Variants in LYST observed in about 807,000 individuals in gnomAD.
LYST encodes the protein lysosomal-trafficking regulator.
Under a neutral mutation model 413.6 loss-of-function variants are expected in LYST, and 192 were observed. The ratio of observed to expected loss-of-function variants is 0.46; its 90% confidence interval spans 0.41 to 0.52. LYST has a LOEUF of 0.52. Ranked by LOEUF, LYST falls within the 20% of genes least tolerant of loss-of-function variation. LYST has a pLI of 0.00. For synonymous variants in LYST, 1,525 were observed against 1,567.3 expected, an observed-to-expected ratio of 0.97 and a Z score of 0.64; for missense variants, 3,815 against 4,499.9, an observed-to-expected ratio of 0.85 and a Z score of 4.35.
chr1:235,706,039 C>A lies in LYST; in HGVS notation c.10143+3052G>T, dbSNP rs139110568. Among the ~76,000 whole-genome samples the A allele has an allele frequency of 3.1e-3, 468 of 152,196 alleles. 3 individuals carry two copies. Among genetic ancestry groups the A allele is most frequent in the African/African-American group, 0.011 (451 of 41,522 alleles). On this transcript the variant is annotated intron_variant, in intron 44 of 52. Coordinates refer to ENST00000389793, the MANE Select transcript of LYST (RefSeq NM_000081.4). ...AACTCCTGACCTCAAATGATCCACACGCCTCGGCCTCCCAAAGTGCTGGGA... is the reference window on the plus strand; with the variant it reads ...AACTCCTGACCTCAAATGATCCACAAGCCTCGGCCTCCCAAAGTGCTGGGA...
chr1:235,663,503 CATT>C (rs1172767576), intron 52 of LYST, among the ~76,000 whole-genome samples: 11 of 152,050 alleles, frequency 7.2e-5, no homozygotes, highest in African/African-American at 2.4e-4. Flanking sequence ...AAAAATGTAA[CATT>C]AGTAATTAAT....
At chr1:235,823,555 T>C (rs74148832) in intron 3 of LYST, among the ~76,000 whole-genome samples, 9,211 of 152,330 alleles carry the variant, frequency 0.06, 942 homozygotes, top group African/African-American at 0.21. Flanking sequence ...CTTCTTAACA[T>C]GGTATACAAG....
intron 25 of LYST, 45 bp downstream of exon 25, chr1:235,755,433 A>AAAAGAAAAGAAAAGAAAAGAAAAG (rs749761952): frequency 8.6e-7 from 1 of 1,163,248 alleles, no homozygotes; most frequent in African/African-American, 1.7e-5. Context: ...GAAAAGAAAA[A>AAAAGAAAAGAAAAGAAAAGAAAAG]AGACAAAAGA....
At position 235,806,297 on chromosome 1, in the gene LYST, CGA is replaced by C; in HGVS notation, c.2837_2838del (p.Leu946ArgfsTer9). On this transcript the variant is annotated frameshift_variant, in exon 6 of 53. Transcript: ENST00000389793. LOFTEE classifies it high-confidence loss of function. ...PLSHMLPCIS[L>X]ESLVLPSPEH... ...TCAGGAGAAGGCAAGACAAGGCTCT[CGA>C]GAGATATACATGGCAGCATATGACT... is the stretch of plus-strand genomic sequence containing the variant. The C allele has an allele frequency of 6.2e-7, 1 of 1,613,986 alleles. No homozygotes were observed. Among genetic ancestry groups the C allele is most frequent in the East Asian group, 2.2e-5 (1 of 44,864 alleles).
intron 43 of LYST, among the ~76,000 whole-genome samples, chr1:235,710,962 G>C (rs773775039): frequency 1.3e-5 from 2 of 152,124 alleles, no homozygotes; most frequent in Non-Finnish European, 2.9e-5. Flanking sequence ...GCTGCCTAAG[G>C]CTTCATCTCC....
At chr1:235,738,383 C>G (rs1333233671) in intron 31 of LYST, 11 of 1,613,044 alleles carry the variant, frequency 6.8e-6, no homozygotes, top group Non-Finnish European at 8.5e-6. Context: ...AAAATACAGC[C>G]CGAACTGCAA....
chr1:235,716,922 C>T, intron 40 of LYST, 144 bp from the exon 41 acceptor site: 1 of 567,764 alleles, frequency 1.8e-6, no homozygotes, highest in Non-Finnish European at 3.2e-6. Context: ...TGTTTTGTAA[C>T]TAACAGTCAC....
intron 1 of LYST, among the ~76,000 whole-genome samples, chr1:235,882,344 C>T (rs1681416754): frequency 6.6e-6 from 1 of 152,220 alleles, no homozygotes; most frequent in Non-Finnish European, 1.5e-5. Context: ...GATGAAGCTG[C>T]AATGGCAGAG....
intron 20 of LYST, among the ~76,000 whole-genome samples, chr1:235,769,950 G>T (rs963865244): frequency 1.3e-5 from 2 of 151,912 alleles, no homozygotes; most frequent in Non-Finnish European, 2.9e-5. Context: ...TTGTAATTGA[G>T]TTAGGAATTA....
chr1:235,666,855 C>T (rs1658530337), intron 50 of LYST, among the ~76,000 whole-genome samples: 2 of 152,144 alleles, frequency 1.3e-5, no homozygotes, highest in Non-Finnish European at 2.9e-5. Context: ...CTAGAAGGCT[C>T]ATTGAAGTCA....
chr1:235,761,112 AAAAAG>A (rs1443290393), intron 22 of LYST, among the ~76,000 whole-genome samples: 7 of 152,134 alleles, frequency 4.6e-5, no homozygotes, highest in Admixed American at 6.5e-5. Context: ...AATTTTTTTT[AAAAAG>A]AAAAGGAAAA....
chr1:235,815,692 C>T (rs929749957), intron 3 of LYST, among the ~76,000 whole-genome samples: 2 of 151,998 alleles, frequency 1.3e-5, no homozygotes, highest in Non-Finnish European at 2.9e-5. Flanking sequence ...ACAACAGTCA[C>T]AGAAAGAATA....
intron 1 of LYST, among the ~76,000 whole-genome samples, chr1:235,835,351 C>T (rs1383184846): frequency 6.6e-6 from 1 of 152,214 alleles, no homozygotes; most frequent in East Asian, 1.9e-4. Context: ...CACCCTCCAG[C>T]TTGGACTACC....
intron 1 of LYST, among the ~76,000 whole-genome samples, chr1:235,847,760 A>G (rs964516242): frequency 6.6e-6 from 1 of 152,228 alleles, no homozygotes; most frequent in Non-Finnish European, 1.5e-5. Flanking sequence ...CAGACAAAAC[A>G]AACTTTAAAG....
chr1:235,771,608 TA>T (rs1668681354), intron 19 of LYST, among the ~76,000 whole-genome samples: 1 of 151,936 alleles, frequency 6.6e-6, no homozygotes, highest in African/African-American at 2.4e-5. Flanking sequence ...CTTTTTTTTT[TA>T]GATCTGAAAG....
rs150793346 is a variant in LYST, at chr1:235,800,407, A to G, written c.3940-21T>C. ...GTTCCCTGAAGATTAAAAAAAATAC[A>G]AAATTAAATTACTTACCTCACAGAA... On this transcript the variant is annotated intron_variant, in intron 9 of 52. Transcript: ENST00000389793. The G allele has an allele frequency of 1.1e-4, 155 of 1,349,226 alleles. 1 individual carries two copies. The African/African-American group carries it at 1.8e-3, about 16-fold the overall frequency. The allele number at this position is 1,349,226 out of a possible 1,614,324, so 83.6% of individuals were successfully genotyped here.
intron 31 of LYST, among the ~76,000 whole-genome samples, chr1:235,740,317 A>G (rs1468555094): frequency 1.3e-5 from 2 of 152,126 alleles, no homozygotes; most frequent in Admixed American, 1.3e-4. Context: ...TGTTTCTATG[A>G]GTTTTGACAA....
intron 42 of LYST, among the ~76,000 whole-genome samples, chr1:235,713,877 A>G (rs1662611539): frequency 6.6e-6 from 1 of 152,242 alleles, no homozygotes; most frequent in South Asian, 2.1e-4. Flanking sequence ...TCATAAATAC[A>G]TAATGAAGAA....
chr1:235,826,538 T>G (rs558015862), intron 3 of LYST, among the ~76,000 whole-genome samples: 2 of 152,188 alleles, frequency 1.3e-5, no homozygotes, highest in East Asian at 3.9e-4. Context: ...TACATTTAGA[T>G]GCTAAAAGTC....
Sources: allele counts gnomAD v4.1 joint callset (sites outside exome capture counted in the v4.1 genomes callset), GRCh38; gene constraint gnomAD v4.1.1; transcripts MANE v1.5; gene names NCBI Gene and HGNC (gene_info 2026-07-23, HGNC 2026-07-21).